The following STK33 variants were observed in gnomAD, a reference collection of about 807,000 sequenced individuals.
The protein encoded by STK33 is serine/threonine kinase 33.
Under a neutral mutation model 58.0 loss-of-function variants are expected in STK33, and 52 were observed. That is an observed-to-expected ratio of 0.90 (90% confidence interval 0.72 to 1.13). The LOEUF (loss-of-function observed/expected upper bound fraction) is 1.13. Ranked by LOEUF, STK33 falls within the 50% of genes most tolerant of loss-of-function variation. The probability of loss-of-function intolerance (pLI) is 0.00; values close to 1 mark genes in which losing one functional copy is unlikely to be tolerated. For missense variants in STK33, 630 were observed against 604.2 expected, an observed-to-expected ratio of 1.04 and a Z score of -0.45; for synonymous variants, 215 against 200.1, an observed-to-expected ratio of 1.07 and a Z score of -0.63.
chr11:8,544,943 T>TA (rs1354007181), intron 1 of STK33, among the ~76,000 whole-genome samples: 2 of 152,222 alleles, frequency 1.3e-5, no homozygotes, highest in Non-Finnish European at 2.9e-5. Flanking sequence ...AGAAATATTC[T>TA]AAAAACTGCA....
the STK33 span, among the ~76,000 whole-genome samples, chr11:8,382,641 T>C: frequency 6.6e-6 from 1 of 152,180 alleles, no homozygotes; most frequent in African/African-American, 2.4e-5. Context: ...GCGCTCACCC[T>C]GTTTGGAGGG....
At chr11:8,367,443 C>T in the STK33 span, among the ~76,000 whole-genome samples, 1 of 152,196 alleles carries the variant, frequency 6.6e-6, no homozygotes. Context: ...CTCCTCTCTG[C>T]TTCTTTAGGT....
intron 1 of STK33, among the ~76,000 whole-genome samples, chr11:8,499,520 T>G (rs1319716945): frequency 6.6e-6 from 1 of 152,166 alleles, no homozygotes; most frequent in African/African-American, 2.4e-5. Flanking sequence ...TGGCAATTCC[T>G]CAAGGATCTA....
At chr11:8,543,647 T>TA (rs948518234) in intron 1 of STK33, among the ~76,000 whole-genome samples, 7 of 152,122 alleles carry the variant, frequency 4.6e-5, no homozygotes, top group African/African-American at 1.7e-4. Flanking sequence ...ATGGGTACAT[T>TA]AAAAAAATGG....
At chr11:8,538,285 CT>C in intron 1 of STK33, among the ~76,000 whole-genome samples, 1 of 152,138 alleles carries the variant, frequency 6.6e-6, no homozygotes, top group Non-Finnish European at 1.5e-5. Context: ...TCATTTAATA[CT>C]TACAACAACT....
At chr11:8,399,001 C>A (rs1849884859) in intron 15 of STK33, among the ~76,000 whole-genome samples, 1 of 152,150 alleles carries the variant, frequency 6.6e-6, no homozygotes, top group Non-Finnish European at 1.5e-5. Flanking sequence ...GACTTAGACT[C>A]CAACACAATA....
intron 15 of STK33, among the ~76,000 whole-genome samples, chr11:8,395,704 CCAGTCTCT>C (rs1373081761): frequency 6.6e-6 from 1 of 152,142 alleles, no homozygotes; most frequent in African/African-American, 2.4e-5. Context: ...ATTTATTTAA[CCAGTCTCT>C]TCACAATGAA....
At chr11:8,546,417 A>G (rs1280434741) in intron 1 of STK33, among the ~76,000 whole-genome samples, 1 of 152,210 alleles carries the variant, frequency 6.6e-6, no homozygotes, top group Non-Finnish European at 1.5e-5. Context: ...CATTACCTCA[A>G]ACATTTATCA....
At chr11:8,475,164 G>A (rs1200344649) in intron 4 of STK33, 98 bp from the exon 5 acceptor site, 3 of 343,472 alleles carry the variant, frequency 8.7e-6, no homozygotes, top group African/African-American at 6.4e-5. Flanking sequence ...GAAGCATCCT[G>A]TATAGACATG....
At chr11:8,443,898 TG>T (rs1157327483) in intron 11 of STK33, among the ~76,000 whole-genome samples, 2 of 152,122 alleles carry the variant, frequency 1.3e-5, no homozygotes, top group Non-Finnish European at 2.9e-5. Flanking sequence ...TCCTGGCTCC[TG>T]GGGAGGCTGA....
At chr11:8,567,743 C>G (rs1363007982) in intron 1 of STK33, among the ~76,000 whole-genome samples, 1 of 152,190 alleles carries the variant, frequency 6.6e-6, no homozygotes, top group Non-Finnish European at 1.5e-5. Flanking sequence ...AACAAACTAA[C>G]AGCTCCAGTC....
chr11:8,465,409 T>C (rs1948059367), intron 6 of STK33: 1 of 151,934 alleles, frequency 6.6e-6, no homozygotes, highest in Non-Finnish European at 1.5e-5. Context: ...CCACTACCCA[T>C]AAAACCATCA....
intron 14 of STK33, chr11:8,433,790 T>C (rs1188610989): frequency 6.6e-6 from 1 of 152,134 alleles, no homozygotes; most frequent in African/African-American, 2.4e-5. Flanking sequence ...CTCTAAAATA[T>C]ATCTCAGGTT....
intron 11 of STK33, among the ~76,000 whole-genome samples, chr11:8,448,981 C>T (rs1945896541): frequency 6.6e-6 from 1 of 151,696 alleles, no homozygotes; most frequent in African/African-American, 2.4e-5. Flanking sequence ...AGGAAATGAA[C>T]AGACACTTCT....
At chr11:8,423,385 T>C (rs1461144913) in intron 14 of STK33, among the ~76,000 whole-genome samples, 4 of 152,066 alleles carry the variant, frequency 2.6e-5, no homozygotes, top group Non-Finnish European at 4.4e-5. Context: ...AAACTTCTAC[T>C]GAAGTACATG....
At chr11:8,433,501 T>A (rs1352079276) in intron 14 of STK33, among the ~76,000 whole-genome samples, 2 of 152,204 alleles carry the variant, frequency 1.3e-5, no homozygotes, top group African/African-American at 4.8e-5. Flanking sequence ...TATATCTTCA[T>A]CTTAAATCTT....
At chr11:8,585,738 C>G (rs941586712) in intron 1 of STK33, among the ~76,000 whole-genome samples, 1 of 151,610 alleles carries the variant, frequency 6.6e-6, no homozygotes, top group Non-Finnish European at 1.5e-5. Context: ...GGCAAAAACC[C>G]TGTCTCTACA....
chr11:8,442,769 C>T (rs1307553807), intron 11 of STK33, among the ~76,000 whole-genome samples: 1 of 152,138 alleles, frequency 6.6e-6, no homozygotes, highest in African/African-American at 2.4e-5. Context: ...CAACGAATTA[C>T]GTATACTCTT....
chr11:8,395,232 G>C (rs183280311), intron 15 of STK33, among the ~76,000 whole-genome samples: 4 of 152,356 alleles, frequency 2.6e-5, no homozygotes, highest in Non-Finnish European at 4.4e-5. Flanking sequence ...GAGGGACCCA[G>C]TGGGAGGTAA....
Sources: allele counts gnomAD v4.1 joint callset (sites outside exome capture counted in the v4.1 genomes callset), GRCh38; gene constraint gnomAD v4.1.1; transcripts MANE v1.5; gene names NCBI Gene and HGNC (gene_info 2026-07-23, HGNC 2026-07-21).